GGN: variants seen among roughly 807,000 people sequenced by gnomAD.
GGN encodes gametogenetin.
GGN carries 27 observed loss-of-function variants against 35.5 expected under a neutral mutation model. That is an observed-to-expected ratio of 0.76 (90% CI 0.56 to 1.05). The LOEUF is 1.05. GGN is among the 50% of genes least tolerant of loss of function. The probability of loss-of-function intolerance (pLI) is 0.00; values close to 1 mark genes in which losing one functional copy is unlikely to be tolerated. For synonymous variants in GGN, 425 were observed against 444.1 expected (o/e 0.96, Z 0.54); for missense variants, 1,006 against 940.7 (o/e 1.07, Z -0.91).
rs1399340086 is a variant in GGN at position 38,385,355 on chromosome 19, G to A, written c.1841+66C>T. ...GTCATTCTAGGGTCAGGAAGCCAAAGGGCTGAGTAGGACTCTATCCAGCAG... is the reference window on the plus strand; with the variant it reads ...GTCATTCTAGGGTCAGGAAGCCAAAAGGCTGAGTAGGACTCTATCCAGCAG... On this transcript the variant is annotated intron_variant, in intron 3 of 3. Transcript: ENST00000334928. The A allele has an allele frequency of 3.7e-6, 6 of 1,600,800 alleles. No homozygotes were observed. The Admixed American group carries it at 6.8e-5, about 18-fold the overall frequency.
chr19:38,385,502 T>A lies in GGN; in HGVS notation c.1760A>T (p.Gln587Leu). 1 of 1,614,028 alleles carries A rather than the reference T, an allele frequency of 6.2e-7. No individual in the cohort carries two copies. The highest frequency in any genetic ancestry group is 8.5e-7 in the Non-Finnish European group (1 of 1,180,006). ...TRAARHWLPF[Q>L]VLNSCPCKCY... Reference sequence around the variant, plus strand: ...CTTGCAGGGACAGGAGTTAAGCACCTGGAAGGGCAGCCAGTGGCGCGCAGC... The same window carrying A: ...CTTGCAGGGACAGGAGTTAAGCACCAGGAAGGGCAGCCAGTGGCGCGCAGC... Residue 587 changes from glutamine (Q) to leucine (L), a missense_variant, in exon 3 of 4, where the codon CAG (glutamine) becomes CTG (leucine). Transcript: ENST00000334928.
In GGN at chr19:38,387,192, G is replaced by A. The variant is rs749876285; in HGVS notation, c.70C>T (p.Pro24Ser). The A allele has an allele frequency of 7.7e-5, 122 of 1,592,974 alleles. No homozygotes were observed. The Admixed American group carries it at 2.1e-3, about 27-fold the overall frequency. ...SRKVQPSDRAPDSRRTSLVEP... is the reference protein window; with the variant it reads ...SRKVQPSDRASDSRRTSLVEP... ...ACCAGGGACGTCCGGCGGGAGTCGG[G>A]GGCGCGGTCCGAGGGCTGCACTTTT... Residue 24 changes from proline (P) to serine (S), a missense_variant, in exon 3 of 4, where the codon CCC becomes TCC. By Grantham distance (74) the Pro-to-Ser change is moderately conservative (BLOSUM62 -1). Coordinates refer to ENST00000334928, the MANE Select transcript of GGN (RefSeq NM_152657.4). The surrounding 1 kb of genome is among the most constrained non-coding windows in gnomAD (Gnocchi z 5.3).
rs1345137252 is a variant in GGN, at chr19:38,387,479, T to C, written c.-19-199A>G. On this transcript the variant is annotated intron_variant, in intron 2 of 3. Coordinates refer to ENST00000334928, the MANE Select transcript of GGN (RefSeq NM_152657.4). The surrounding 1 kb of genome is among the most constrained non-coding windows in gnomAD (Gnocchi z 5.3). ...TTGCCCATGTCCCCAACACAGCTGCTGTTAAGATACTTCACTACCAGCCCC... is the reference window on the plus strand; with the variant it reads ...TTGCCCATGTCCCCAACACAGCTGCCGTTAAGATACTTCACTACCAGCCCC... Among the ~76,000 whole-genome samples the C allele has an allele frequency of 6.6e-6, 1 of 152,098 alleles. No individual in the cohort carries two copies. The highest frequency in any genetic ancestry group is 1.9e-4 in the East Asian group (1 of 5,182).
chr19:38,388,104 C>T (rs1970765134), upstream of GGN: 1 of 164,676 alleles, frequency 6.1e-6, no homozygotes, highest in Non-Finnish European at 1.3e-5. Flanking sequence ...CTCATTCCCT[C>T]CCGAGGCCCC....
chr19:38,385,003 G>A (rs1269000103), intron 3 of GGN, among the ~76,000 whole-genome samples: 3 of 152,156 alleles, frequency 2.0e-5, no homozygotes, highest in South Asian at 2.1e-4. Context: ...AGTTGGAGGC[G>A]TGCATCTACC....
intron 3 of GGN, 29 bp downstream of exon 3, chr19:38,385,392 G>A (rs1488672728): frequency 6.2e-7 from 1 of 1,612,338 alleles, no homozygotes; most frequent in African/African-American, 1.3e-5. Context: ...CTGGGGTTCG[G>A]CACCCTCCTG....
rs1568391500 is a variant in GGN at position 38,386,426 on chromosome 19, G to A, written c.836C>T (p.Ala279Val). 29 of 1,612,772 alleles carry A rather than the reference G, an allele frequency of 1.8e-5. No homozygotes were observed. The highest frequency in any genetic ancestry group is 2.5e-5 in the Non-Finnish European group (29 of 1,179,942). ...GGGGGGGLFA[A>V]SGAISYAEVL... ...CTCGGCGTAAGAGATGGCACCTGAGGCAGCAAAGAGGCCGCCGCCTCCGCC... is the reference window on the plus strand; with the variant it reads ...CTCGGCGTAAGAGATGGCACCTGAGACAGCAAAGAGGCCGCCGCCTCCGCC... The change falls in exon 3 of 4, where the codon GCC (alanine) becomes GTC (valine). Residue 279 changes from alanine (A) to valine (V), a missense_variant. Ala to Val is a moderately conservative substitution (Grantham distance 64). Transcript: ENST00000334928.
chr19:38,385,367 ACT>A (rs1386271529), intron 3 of GGN, 52 bp downstream of exon 3: 2 of 1,608,760 alleles, frequency 1.2e-6, no homozygotes, highest in East Asian at 2.2e-5. Context: ...GCTGAGTAGG[ACT>A]CTATCCAGCA....
Position 38,386,969 on chromosome 19 carries a change from G to C in GGN, c.293C>G (p.Pro98Arg), listed in dbSNP as rs764417532. Reference protein sequence around the residue: ...EEAAAVSAPPPAPAGTLLPGP... With the variant: ...EEAAAVSAPPRAPAGTLLPGP... ...GGGCAGCAGAGTCCCCGCGGGGGCC[G>C]GGGGTGGTGCAGAGACCGCGGCCGC... The change falls in exon 3 of 4, where the codon CCG becomes CGG. Residue 98 changes from proline to arginine, a missense_variant. Pro to Arg is a moderately radical substitution (Grantham distance 103). Transcript: ENST00000334928. 6.5e-7 allele frequency: 1 copy of C among 1,541,402 alleles called. No homozygotes were observed. The highest frequency in any genetic ancestry group is 2.3e-5 in the East Asian group (1 of 43,222).
chr19:38,386,719 C>T lies in GGN; in HGVS notation c.543G>A (p.Arg181=). The change falls in exon 3 of 4, where the codon CGG becomes CGA. Residue 181 remains arginine, a synonymous_variant. Transcript: ENST00000334928. ...WKPPPPLPSE[R]QPADRRITPA... ...GAGTGATTCTGCGGTCCGCCGGCTG[C>T]CGTTCAGAAGGTAATGGTGGTGGCG... 1 of 1,607,104 alleles carries T rather than the reference C, an allele frequency of 6.2e-7. No homozygotes were observed. Among genetic ancestry groups the T allele is most frequent in the Non-Finnish European group, 8.5e-7 (1 of 1,175,356 alleles).
Position 38,386,019 on chromosome 19 carries a change from T to G in GGN, c.1243A>C (p.Thr415Pro). 2 of 1,606,436 alleles carry G rather than the reference T, an allele frequency of 1.2e-6. No individual in the cohort carries two copies. Among genetic ancestry groups the G allele is most frequent in the Non-Finnish European group, 1.7e-6 (2 of 1,176,736 alleles). The change falls in exon 3 of 4, where the codon ACG becomes CCG. Residue 415 changes from threonine (T) to proline (P), a missense_variant. Thr to Pro is a conservative substitution (Grantham distance 38). Transcript: ENST00000334928. Reference sequence around the variant, plus strand: ...TTGGTGGGTGCTGGGAAGATGAACGTAGGCGGCGCCAGCAGGGCAGGTGCG... The same window carrying G: ...TTGGTGGGTGCTGGGAAGATGAACGGAGGCGGCGCCAGCAGGGCAGGTGCG... ...RPAPALLAPP[T>P]FIFPAPTNGE... is the part of the protein sequence containing the mutation.
Position 38,384,387 on chromosome 19 carries a change from G to C in GGN, c.*25C>G. Reference sequence around the variant, plus strand: ...TTATTTTATTGGCATGGAGGGGAAGGTGGAGGGTGTTGAGCCGACTACACT... The same window carrying C: ...TTATTTTATTGGCATGGAGGGGAAGCTGGAGGGTGTTGAGCCGACTACACT... On this transcript the variant is annotated 3_prime_UTR_variant, in exon 4 of 4. Coordinates refer to ENST00000334928, the MANE Select transcript of GGN (RefSeq NM_152657.4). The C allele has an allele frequency of 6.6e-7, 1 of 1,514,158 alleles. No homozygotes were observed. The highest frequency in any genetic ancestry group is 9.2e-7 in the Non-Finnish European group (1 of 1,089,624). 93.8% of individuals were successfully genotyped at this position (1,514,158 alleles called of 1,614,324 possible).
At position 38,387,384 on chromosome 19, in the gene GGN, TCCAAGATCCGATCAGGC is replaced by T; in HGVS notation, c.-19-121_-19-105del. ...GTCCGCACCGGCCCCGCCCCTGTTC[TCCAAGATCCGATCAGGC>T]CCAAGTCCTTAGGTCGCACTCCTGT... On this transcript the variant is annotated intron_variant, in intron 2 of 3. Coordinates refer to ENST00000334928, the MANE Select transcript of GGN (RefSeq NM_152657.4). This position sits in a 1 kb window ranked among gnomAD's most constrained non-coding sequence, Gnocchi z 5.3. 7.0e-7 allele frequency: 1 copy of T among 1,435,622 alleles called. No homozygotes were observed. Among genetic ancestry groups the T allele is most frequent in the Non-Finnish European group, 9.1e-7 (1 of 1,097,872 alleles). 88.9% of individuals were successfully genotyped at this position (1,435,622 alleles called of 1,614,324 possible).
In GGN at chr19:38,386,769, GA is replaced by G. The variant is rs1396929492; in HGVS notation, c.492del (p.Pro165ArgfsTer75). ...GGCTTCCAAGTCTCCAGGGGCGGCG[GA>G]AATTGGGATGGGGCCCTCGGGACAG... Reference protein sequence around the residue: ...KDTVPRAPSQFPPPLETWKPP... With the variant: ...KDTVPRAPSQXPPPLETWKPP... On this transcript the variant is annotated frameshift_variant, in exon 3 of 4. Transcript: ENST00000334928. LOFTEE classifies it high-confidence loss of function. 6.2e-7 allele frequency: 1 copy of G among 1,610,610 alleles called. No homozygotes were observed. The highest frequency in any genetic ancestry group is 1.1e-5 in the South Asian group (1 of 90,882).
In GGN at chr19:38,386,988, C is replaced by A; in HGVS notation, c.274G>T (p.Ala92Ser). ...GGGGCCGGGGGTGGTGCAGAGACCGCGGCCGCCTCTTCAGGAGGGGGCATC... is the reference window on the plus strand; with the variant it reads ...GGGGCCGGGGGTGGTGCAGAGACCGAGGCCGCCTCTTCAGGAGGGGGCATC... ...PVMPPPEEAAAVSAPPPAPAG... is the reference protein window; with the variant it reads ...PVMPPPEEAASVSAPPPAPAG... The change falls in exon 3 of 4, where the codon GCG (alanine) becomes TCG (serine). Residue 92 changes from alanine to serine, a missense_variant. Physicochemically the swap from Ala to Ser is moderately conservative, Grantham distance 99. Transcript: ENST00000334928. 6.5e-7 allele frequency: 1 copy of A among 1,535,496 alleles called. No individual in the cohort carries two copies. Among genetic ancestry groups the A allele is most frequent in the Non-Finnish European group, 8.8e-7 (1 of 1,140,872 alleles).
chr19:38,384,358 T>G lies in GGN; in HGVS notation c.*54A>C. ...GATTGACAGGCTGCTGGCATCTGGATTGGTTATTTTATTGGCATGGAGGGG... is the reference window on the plus strand; with the variant it reads ...GATTGACAGGCTGCTGGCATCTGGAGTGGTTATTTTATTGGCATGGAGGGG... On this transcript the variant is annotated 3_prime_UTR_variant, in exon 4 of 4. Transcript: ENST00000334928. 27 of 1,269,740 alleles carry G rather than the reference T, an allele frequency of 2.1e-5. No homozygotes were observed. Among genetic ancestry groups the G allele is most frequent in the Non-Finnish European group, 2.8e-5 (24 of 870,446 alleles). 78.7% of individuals were successfully genotyped at this position (1,269,740 alleles called of 1,614,324 possible).
rs781478900 is a variant in GGN, at chr19:38,384,373, G to T, written c.*39C>A. On this transcript the variant is annotated 3_prime_UTR_variant, in exon 4 of 4. Coordinates refer to ENST00000334928, the MANE Select transcript of GGN (RefSeq NM_152657.4). ...GGCATCTGGATTGGTTATTTTATTG[G>T]CATGGAGGGGAAGGTGGAGGGTGTT... 7.7e-6 allele frequency: 11 copies of T among 1,426,532 alleles called. 1 individual carries two copies. The highest frequency in any genetic ancestry group is 9.9e-6 in the Non-Finnish European group (10 of 1,011,090). The allele number at this position is 1,426,532 out of a possible 1,614,324, so 88.4% of individuals were successfully genotyped here. A position where few individuals can be genotyped will look rare whatever the true frequency, so the allele number is the denominator to read the frequency against.
At position 38,387,443 on chromosome 19, in the gene GGN, C is replaced by T. The variant is rs538536830; in HGVS notation, c.-19-163G>A. On this transcript the variant is annotated intron_variant, in intron 2 of 3. Coordinates refer to ENST00000334928, the MANE Select transcript of GGN (RefSeq NM_152657.4). The surrounding 1 kb of genome is among the most constrained non-coding windows in gnomAD (Gnocchi z 5.3). ...CACTCCTGTTCCCCGACCTTCGACA[C>T]TCACGCCTTCTTGCCCATGTCCCCA... Among the ~76,000 whole-genome samples, 1 of 152,116 alleles carries T rather than the reference C, an allele frequency of 6.6e-6. No homozygotes were observed. Among genetic ancestry groups the T allele is most frequent in the African/African-American group, 2.4e-5 (1 of 41,402 alleles).
chr19:38,388,310 G>A (rs898443054), upstream of GGN: 2 of 386,092 alleles, frequency 5.2e-6, no homozygotes, highest in Non-Finnish European at 4.6e-6. Flanking sequence ...ACTAGTCCTC[G>A]CCTGCAGCAT....
Sources: gnomAD v4.1 joint callset for allele counts (sites outside exome capture counted in the v4.1 genomes callset) on GRCh38, gnomAD v4.1.1 for gene constraint, Gnocchi (gnomAD v3.1) non-coding constraint, MANE v1.5 for transcripts, NCBI Gene and HGNC (gene_info 2026-07-23, HGNC 2026-07-21) for gene names.